Variants in DPH7 observed in about 807,000 individuals in gnomAD.
The protein encoded by DPH7 is diphthamide biosynthesis 7.
A neutral mutation model predicts 41.7 loss-of-function variants in DPH7; 44 were observed. The observed-to-expected ratio is 1.05, with a 90% CI of 0.83 to 1.36. The LOEUF (loss-of-function observed/expected upper bound fraction) is 1.36, where lower values mean the gene tolerates loss of function less well. DPH7 is among the 40% of genes most tolerant of loss of function. The pLI, the probability that DPH7 is intolerant of heterozygous loss-of-function variation, is 0.00. For synonymous variants in DPH7, 275 were observed against 238.0 expected, an observed-to-expected ratio of 1.16 and a Z score of -1.43; for missense variants, 629 against 577.5, an observed-to-expected ratio of 1.09 and a Z score of -0.91.
intron 5 of DPH7, 66 bp downstream of exon 5, chr9:137,574,142 C>T: frequency 6.6e-7 from 1 of 1,520,206 alleles, no homozygotes; most frequent in Non-Finnish European, 9.0e-7. Flanking sequence ...CACAGGCCTC[C>T]CTCTCTCCCT....
At chr9:137,571,904 T>C (rs1317744418) in intron 5 of DPH7, among the ~76,000 whole-genome samples, 1 of 152,212 alleles carries the variant, frequency 6.6e-6, no homozygotes, top group East Asian at 1.9e-4. Context: ...ATAGCATTTG[T>C]TGAAAGAATG....
intron 8 of DPH7, among the ~76,000 whole-genome samples, chr9:137,561,466 C>A (rs1434450452): frequency 1.4e-5 from 2 of 148,084 alleles, no homozygotes; most frequent in East Asian, 2.0e-4. Flanking sequence ...CGGCGTGAAC[C>A]CGGAAGGTGG....
At chr9:137,574,064 CAA>C in intron 5 of DPH7, 142 bp downstream of exon 5, 11 of 849,512 alleles carry the variant, frequency 1.3e-5, no homozygotes, top group Admixed American at 5.1e-5. Flanking sequence ...GACTCAGTTT[CAA>C]AAAAAAAAGT....
chr9:137,578,016 G>A (rs1841730921), intron 1 of DPH7: 2 of 985,266 alleles, frequency 2.0e-6, no homozygotes, highest in Non-Finnish European at 2.4e-6. Context: ...AAGACGTTCT[G>A]CTCTCAAGAT....
At chr9:137,571,360 G>A (rs1840403009) in intron 5 of DPH7, among the ~76,000 whole-genome samples, 1 of 151,074 alleles carries the variant, frequency 6.6e-6, no homozygotes, top group Admixed American at 6.6e-5. Flanking sequence ...CTAATTTTTT[G>A]TATTTTAATA....
At chr9:137,562,574 T>C (rs1296232278) in intron 8 of DPH7, among the ~76,000 whole-genome samples, 1 of 151,980 alleles carries the variant, frequency 6.6e-6, no homozygotes, top group Non-Finnish European at 1.5e-5. Context: ...CAGAGGAAAA[T>C]GTATCACCAT....
chr9:137,576,367 C>T (rs1841386763), intron 2 of DPH7, 200 bp from the exon 3 acceptor site: 1 of 562,450 alleles, frequency 1.8e-6, no homozygotes, highest in Non-Finnish European at 3.2e-6. Context: ...CATGTTACTG[C>T]AGGCAAGTGT....
At chr9:137,562,379 A>G (rs1267029576) in intron 8 of DPH7, among the ~76,000 whole-genome samples, 1 of 152,240 alleles carries the variant, frequency 6.6e-6, no homozygotes, top group Non-Finnish European at 1.5e-5. Flanking sequence ...GCACAATGGA[A>G]TAACATTAGA....
In DPH7 at chr9:137,578,618, C is replaced by G; in HGVS notation, c.153+7G>C. 1.3e-6 allele frequency: 2 copies of G among 1,483,394 alleles called. No individual in the cohort carries two copies. Among genetic ancestry groups the G allele is most frequent in the Non-Finnish European group, 1.8e-6 (2 of 1,123,848 alleles). 91.9% of individuals were successfully genotyped at this position (1,483,394 alleles called of 1,614,324 possible). On this transcript the variant is annotated splice_region_variant and intron_variant, in intron 1 of 8. Coordinates refer to ENST00000277540, the MANE Select transcript of DPH7 (RefSeq NM_138778.5). ...GCCCTCCCCTCCCGAAGCCGCGGCG[C>G]GCGCACCTTGTTCTGGGGGCCGGCA...
chr9:137,564,096 T>C (rs926540140), intron 8 of DPH7, among the ~76,000 whole-genome samples: 2 of 151,600 alleles, frequency 1.3e-5, no homozygotes, highest in East Asian at 1.9e-4. Context: ...AGGAAGAGCA[T>C]GGGAGAGCAC....
At chr9:137,563,413 TC>T (rs1490070683) in intron 8 of DPH7, among the ~76,000 whole-genome samples, 28 of 149,678 alleles carry the variant, frequency 1.9e-4, no homozygotes, top group Non-Finnish European at 1.5e-5. Context: ...GTGCCTGTAA[TC>T]CCAGCTACTT....
intron 5 of DPH7, among the ~76,000 whole-genome samples, chr9:137,569,908 T>C (rs1273030434): frequency 2.3e-5 from 3 of 131,834 alleles, no homozygotes; most frequent in African/African-American, 8.8e-5. Flanking sequence ...CCACCCACCA[T>C]CCATCCACTC....
At chr9:137,574,626 AG>A in intron 4 of DPH7, 125 bp downstream of exon 4, 4 of 950,240 alleles carry the variant, frequency 4.2e-6, no homozygotes, top group Non-Finnish European at 6.5e-6. Flanking sequence ...TAGGACTGGC[AG>A]TGATGATGTC....
chr9:137,563,511 G>A (rs1386019277), intron 8 of DPH7, among the ~76,000 whole-genome samples: 1 of 141,076 alleles, frequency 7.1e-6, no homozygotes, highest in Non-Finnish European at 1.5e-5. Flanking sequence ...CAGCCTGGGT[G>A]ACAGAGCAAG....
At position 137,556,431 on chromosome 9, in the gene DPH7, T is replaced by G. The variant is rs1837516892; in HGVS notation, c.950-783A>C. ...CTGAAAGGGCTGCCATCGCTACCTC[T>G]GAAGTACAGGGATTGATGCCAGCAG... On this transcript the variant is annotated intron_variant, in intron 8 of 8. Transcript: ENST00000277540. This position sits in a 1 kb window ranked among gnomAD's most constrained non-coding sequence, Gnocchi z 5.2. 6.6e-6 allele frequency among the ~76,000 whole-genome samples: 1 copy of G among 152,186 alleles called. No individual in the cohort carries two copies. Among genetic ancestry groups the G allele is most frequent in the African/African-American group, 2.4e-5 (1 of 41,446 alleles).
At chr9:137,559,401 C>A (rs945594510) in intron 8 of DPH7, among the ~76,000 whole-genome samples, 4 of 151,678 alleles carry the variant, frequency 2.6e-5, no homozygotes, top group Non-Finnish European at 4.4e-5. Flanking sequence ...CTTAGCAGAC[C>A]TGGAAAGGGA....
chr9:137,563,295 G>C (rs1838942010), intron 8 of DPH7, among the ~76,000 whole-genome samples: 1 of 152,172 alleles, frequency 6.6e-6, no homozygotes. Context: ...CACTTCGGGA[G>C]GCCAAGGCAG....
rs759478518 is a variant in DPH7 at position 137,564,933 on chromosome 9, G to C, written c.736C>G (p.Gln246Glu). 4 of 1,596,864 alleles carry C rather than the reference G, an allele frequency of 2.5e-6. No individual in the cohort carries two copies. The South Asian group carries it at 4.5e-5, about 18-fold the overall frequency. Residue 246 changes from glutamine to glutamate, a missense_variant, in exon 7 of 9, where the codon CAG becomes GAG. Physicochemically the swap from Gln to Glu is conservative, Grantham distance 29 (BLOSUM62 2). Coordinates refer to ENST00000277540, the MANE Select transcript of DPH7 (RefSeq NM_138778.5). The part of the protein sequence containing the change: ...KRHTMGVCSI[Q>E]SSPHREHILA... ...ATGTGCTCCCGATGAGGGCTGCTCT[G>C]GATGCTGCACACACCCATGGTGTGT...
chr9:137,555,699 C>G (rs767933759), intron 8 of DPH7, 51 bp from the exon 9 acceptor site: 1 of 1,523,868 alleles, frequency 6.6e-7, no homozygotes, highest in South Asian at 1.3e-5. Flanking sequence ...CCCAGAGCCT[C>G]TCCCCAACCT....
Sources: allele counts gnomAD v4.1 joint callset (sites outside exome capture counted in the v4.1 genomes callset), GRCh38; gene constraint gnomAD v4.1.1; non-coding constraint Gnocchi (gnomAD v3.1); transcripts MANE v1.5; gene names NCBI Gene and HGNC (gene_info 2026-07-23, HGNC 2026-07-21).